The following ATAD1 variants were observed in gnomAD, a reference collection of about 807,000 sequenced individuals.
ATAD1 encodes ATPase family AAA domain containing 1.
In ATAD1, 18 loss-of-function variants were observed where a neutral mutation model predicts 42.7. That is an observed-to-expected ratio of 0.42 (90% confidence interval 0.29 to 0.63). The LOEUF (loss-of-function observed/expected upper bound fraction) is 0.63. Ranked by LOEUF, ATAD1 falls within the 20% of genes least tolerant of loss-of-function variation. The pLI is 0.19. For missense variants in ATAD1, 294 were observed against 440.4 expected (o/e 0.67, Z 2.98); for synonymous variants, 132 against 143.1 (o/e 0.92, Z 0.55).
At chr10:87,802,015 A>T (rs1396226777) in intron 2 of ATAD1, among the ~76,000 whole-genome samples, 1 of 152,210 alleles carries the variant, frequency 6.6e-6, no homozygotes, top group Non-Finnish European at 1.5e-5. Context: ...GCTTCTAACA[A>T]TTCAGTAGAC....
intron 6 of ATAD1, 50 bp downstream of exon 6, chr10:87,776,268 CTAT>C (rs1401736798): frequency 7.1e-7 from 1 of 1,408,272 alleles, no homozygotes; most frequent in Non-Finnish European, 9.9e-7. Flanking sequence ...AGCAAATTTT[CTAT>C]TAAGAACAAA....
Position 87,837,293 on chromosome 10 carries a change from G to A in ATAD1, c.-14+3894C>T, listed in dbSNP as rs191608213. Among the ~76,000 whole-genome samples the A allele has an allele frequency of 3.3e-5, 5 of 152,192 alleles. No individual in the cohort carries two copies. The East Asian group carries it at 9.6e-4, about 29-fold the overall frequency. On this transcript the variant is annotated intron_variant, in intron 1 of 4. Transcript: ENST00000495903. ...TGGAGAATACTGATATTTTTGTTTT[G>A]GTGGGTAATAGATCTGTTTTGGTTC... is the stretch of plus-strand genomic sequence containing the variant.
upstream of ATAD1, among the ~76,000 whole-genome samples, chr10:87,821,294 G>A (rs1446856500): frequency 6.6e-6 from 1 of 152,118 alleles, no homozygotes; most frequent in Non-Finnish European, 1.5e-5. Context: ...TTGGGAGGCC[G>A]AGGCAGGTGG....
rs889581153 is a variant in ATAD1 at position 87,800,622 on chromosome 10, T to A, written c.163-7867A>T. ...AAAAGCTGAAATTAAAAAAAAAAAT[T>A]TTTAATTAAGGTTATTAACATTCAT... On this transcript the variant is annotated intron_variant, in intron 2 of 9. Coordinates refer to ENST00000680024, the MANE Select transcript of ATAD1 (RefSeq NM_001321967.2). Among the ~76,000 whole-genome samples, 53 of 152,090 alleles carry A rather than the reference T, an allele frequency of 3.5e-4. 1 individual carries two copies. The highest frequency in any genetic ancestry group is 2.5e-3 in the Admixed American group (38 of 15,270).
chr10:87,838,967 G>A (rs566028927), intron 1 of ATAD1, among the ~76,000 whole-genome samples: 53 of 152,222 alleles, frequency 3.5e-4, no homozygotes, highest in South Asian at 2.1e-4. Context: ...ACATATTCAT[G>A]AAAAAATTCT....
At chr10:87,767,952 T>C (rs1228100079) in intron 7 of ATAD1, among the ~76,000 whole-genome samples, 2 of 152,142 alleles carry the variant, frequency 1.3e-5, no homozygotes, top group Admixed American at 6.5e-5. Context: ...CCTAGTACAA[T>C]GTTTGGGAAA....
chr10:87,767,647 G>C, intron 8 of ATAD1, 26 bp downstream of exon 8: 1 of 1,585,802 alleles, frequency 6.3e-7, no homozygotes, highest in South Asian at 1.1e-5. Flanking sequence ...TATAGGACGG[G>C]GAAAAAATTT....
chr10:87,800,557 AT>A (rs1346800533), intron 2 of ATAD1, among the ~76,000 whole-genome samples: 2 of 152,126 alleles, frequency 1.3e-5, no homozygotes, highest in African/African-American at 4.8e-5. Flanking sequence ...TATTGAAACA[AT>A]TCTATGCTAT....
At chr10:87,808,306 A>C (rs1259021406) in intron 2 of ATAD1, among the ~76,000 whole-genome samples, 1 of 143,160 alleles carries the variant, frequency 7.0e-6, no homozygotes, top group Non-Finnish European at 1.5e-5. Flanking sequence ...GTAAACAAAG[A>C]AGTAAACAAA....
At chr10:87,778,284 A>T (rs1021984893) in intron 5 of ATAD1, among the ~76,000 whole-genome samples, 38 of 151,818 alleles carry the variant, frequency 2.5e-4, no homozygotes, top group Admixed American at 5.3e-4. Flanking sequence ...TCAAAAAAAA[A>T]TTTTTTTTAA....
intron 8 of ATAD1, among the ~76,000 whole-genome samples, chr10:87,765,975 C>A (rs1465389065): frequency 6.6e-6 from 1 of 151,856 alleles, no homozygotes; most frequent in African/African-American, 2.4e-5. Context: ...GAGTTTAAGG[C>A]TGCAGTGAGC....
chr10:87,789,471 A>G (rs1855991033), intron 4 of ATAD1, among the ~76,000 whole-genome samples: 1 of 152,204 alleles, frequency 6.6e-6, no homozygotes, highest in African/African-American at 2.4e-5. Context: ...CTGTAATCCC[A>G]GCACTCTAGG....
intron 9 of ATAD1, among the ~76,000 whole-genome samples, chr10:87,756,355 T>C (rs1348054513): frequency 1.3e-5 from 2 of 152,220 alleles, no homozygotes; most frequent in Non-Finnish European, 2.9e-5. Context: ...TTTGCTGAAA[T>C]AAGGCTGTTA....
At chr10:87,821,646 G>A (rs1397925313), upstream of ATAD1, among the ~76,000 whole-genome samples, 1 of 152,180 alleles carries the variant, frequency 6.6e-6, no homozygotes, top group African/African-American at 2.4e-5. Flanking sequence ...AACTACTGTA[G>A]GTTTTGGCCT....
At chr10:87,811,037 CTTTAAGA>C (rs1857152376) in intron 2 of ATAD1, among the ~76,000 whole-genome samples, 1 of 151,998 alleles carries the variant, frequency 6.6e-6, no homozygotes, top group Non-Finnish European at 1.5e-5. Flanking sequence ...TCATGAATGC[CTTTAAGA>C]TTTTTAGGCC....
At chr10:87,813,964 T>TAAA (rs1589558739) in intron 2 of ATAD1, among the ~76,000 whole-genome samples, 1 of 152,082 alleles carries the variant, frequency 6.6e-6, no homozygotes, top group African/African-American at 2.4e-5. Context: ...GATAAAAAGT[T>TAAA]AAAAACTACA....
At chr10:87,820,392 C>T (rs578232881), upstream of ATAD1, among the ~76,000 whole-genome samples, 2 of 152,338 alleles carry the variant, frequency 1.3e-5, no homozygotes, top group South Asian at 4.1e-4. Context: ...CACCTGCCCT[C>T]TTCTAAGGAC....
At chr10:87,777,532 T>TA (rs962612260) in intron 5 of ATAD1, among the ~76,000 whole-genome samples, 16 of 151,852 alleles carry the variant, frequency 1.1e-4, no homozygotes, top group African/African-American at 3.1e-4. Flanking sequence ...AATGCTTTTT[T>TA]AAAAAAAGGG....
intron 5 of ATAD1, among the ~76,000 whole-genome samples, chr10:87,782,740 T>A (rs1209447633): frequency 1.3e-5 from 2 of 152,212 alleles, no homozygotes; most frequent in South Asian, 2.1e-4. Flanking sequence ...CTAGGCGTTA[T>A]AATCCCAGCA....
Sources: allele counts gnomAD v4.1 joint callset (sites outside exome capture counted in the v4.1 genomes callset), GRCh38; gene constraint gnomAD v4.1.1; transcripts MANE v1.5; gene names NCBI Gene and HGNC (gene_info 2026-07-23, HGNC 2026-07-21).